Variants in ACVR2A observed in about 807,000 individuals in gnomAD.
The protein encoded by ACVR2A is activin A receptor type 2A, also known as activin receptor type-2A.
A neutral mutation model predicts 61.4 loss-of-function variants in ACVR2A; 7 were observed. That is an observed-to-expected ratio of 0.11 (90% confidence interval 0.06 to 0.21). The LOEUF is 0.21. Among genes scored for constraint, ACVR2A ranks in the 10% least tolerant of loss-of-function variants. ACVR2A has a pLI of 1.00. For synonymous variants in ACVR2A, 193 were observed against 208.3 expected (o/e 0.93, Z 0.63); for missense variants, 322 against 621.7 (o/e 0.52, Z 5.13).
intron 1 of ACVR2A, 146 bp downstream of exon 1, chr2:147,845,353 C>A (rs1685282610): frequency 3.8e-6 from 2 of 525,810 alleles, no homozygotes; most frequent in Admixed American, 4.0e-5. Context: ...CCACCGCCCC[C>A]CCCCCCCGCC....
Position 147,929,915 on chromosome 2 carries a change from C to T in ACVR2A, c.*2641C>T, listed in dbSNP as rs184000387. On this transcript the variant is annotated 3_prime_UTR_variant, in exon 11 of 11. Transcript: ENST00000241416. ...ACTCTTTACCTTGCCCAGATCTCCG[C>T]GTAAGGAATGCTTTATGATCAACTT... is the stretch of plus-strand genomic sequence containing the variant. 9 of 152,522 alleles carry T rather than the reference C, an allele frequency of 5.9e-5. No homozygotes were observed. The highest frequency in any genetic ancestry group is 1.2e-4 in the African/African-American group (5 of 41,494). 9.4% of individuals were successfully genotyped at this position (152,522 alleles called of 1,614,324 possible).
At chr2:147,863,408 A>AC (rs529381261) in intron 1 of ACVR2A, among the ~76,000 whole-genome samples, 3 of 152,168 alleles carry the variant, frequency 2.0e-5, no homozygotes, top group Non-Finnish European at 4.4e-5. Context: ...GGGTATTGAC[A>AC]CCCTGTGAGG....
chr2:147,859,345 A>G, intron 1 of ACVR2A, among the ~76,000 whole-genome samples: 1 of 152,096 alleles, frequency 6.6e-6, no homozygotes, highest in South Asian at 2.1e-4. Flanking sequence ...TGGTAACAAA[A>G]CTAAAAAGAG....
intron 8 of ACVR2A, among the ~76,000 whole-genome samples, chr2:147,920,587 C>T (rs1687355985): frequency 6.6e-6 from 1 of 152,066 alleles, no homozygotes; most frequent in African/African-American, 2.4e-5. Context: ...AAAAATTGAT[C>T]AAAGAATAAT....
intron 1 of ACVR2A, 50 bp downstream of exon 1, chr2:147,845,257 GC>G: frequency 1.3e-6 from 2 of 1,578,884 alleles, no homozygotes; most frequent in African/African-American, 2.7e-5. Flanking sequence ...GGCCGCGGCG[GC>G]CGCTGCTGGG....
intron 1 of ACVR2A, among the ~76,000 whole-genome samples, chr2:147,852,891 G>T (rs1685482483): frequency 6.6e-6 from 1 of 152,098 alleles, no homozygotes; most frequent in Non-Finnish European, 1.5e-5. Context: ...CTGAGGAAGA[G>T]ATTTGTGTGA....
chr2:147,878,785 T>C (rs1183837979), intron 1 of ACVR2A, among the ~76,000 whole-genome samples: 1 of 152,100 alleles, frequency 6.6e-6, no homozygotes, highest in Non-Finnish European at 1.5e-5. Flanking sequence ...GGCAGCCACC[T>C]GCAGTCCCAG....
chr2:147,915,185 C>A lies in ACVR2A; in HGVS notation c.529-6C>A, dbSNP rs1558812750. ...TATTTATAGTATTATTATTATTTAT[C>A]TGTAGGACCCAGGACCACCCCCACC... On this transcript the variant is annotated splice_region_variant and splice_polypyrimidine_tract_variant and intron_variant, in intron 4 of 10. Transcript: ENST00000241416. 1 of 1,610,296 alleles carries A rather than the reference C, an allele frequency of 6.2e-7. No homozygotes were observed. Among genetic ancestry groups the A allele is most frequent in the Admixed American group, 1.7e-5 (1 of 59,798 alleles).
At chr2:147,920,374 A>G in intron 8 of ACVR2A, 30 bp downstream of exon 8, 1 of 1,513,618 alleles carries the variant, frequency 6.6e-7, no homozygotes, top group East Asian at 2.3e-5. Flanking sequence ...AATGTAAGAA[A>G]AAATAAACTT....
intron 1 of ACVR2A, among the ~76,000 whole-genome samples, chr2:147,864,839 C>T (rs1052880050): frequency 9.2e-5 from 14 of 152,092 alleles, no homozygotes; most frequent in Non-Finnish European, 1.8e-4. Flanking sequence ...TCTCATTGTG[C>T]CAGGTACTAT....
intron 4 of ACVR2A, among the ~76,000 whole-genome samples, chr2:147,909,858 T>G (rs1194157748): frequency 6.6e-6 from 1 of 152,096 alleles, no homozygotes. Flanking sequence ...CCTAGGCTGG[T>G]CTCGAACTCC....
chr2:147,897,899 G>A (rs1030021111), intron 2 of ACVR2A, among the ~76,000 whole-genome samples: 16 of 152,130 alleles, frequency 1.1e-4, no homozygotes, highest in African/African-American at 3.6e-4. Flanking sequence ...GTGCTGTTAC[G>A]AAAGGTACAC....
intron 1 of ACVR2A, among the ~76,000 whole-genome samples, chr2:147,893,240 A>AT (rs147158604): frequency 0.011 from 1,694 of 152,230 alleles, 36 homozygotes; most frequent in Admixed American, 0.051. Flanking sequence ...TCACTAGTTC[A>AT]TTCCTTTTTT....
intron 7 of ACVR2A, among the ~76,000 whole-genome samples, chr2:147,919,790 T>G (rs1407051175): frequency 1.3e-5 from 2 of 152,150 alleles, no homozygotes; most frequent in Non-Finnish European, 2.9e-5. Flanking sequence ...TAATAAGGGA[T>G]TATTCTAAAA....
chr2:147,888,664 GGCT>G (rs145036399), intron 1 of ACVR2A, among the ~76,000 whole-genome samples: 1 of 150,134 alleles, frequency 6.7e-6, no homozygotes, highest in Non-Finnish European at 1.5e-5. Flanking sequence ...TTAGTTCGGG[GGCT>G]GCTGCTGCTG....
intron 8 of ACVR2A, among the ~76,000 whole-genome samples, chr2:147,921,404 C>G (rs1385735645): frequency 6.6e-6 from 1 of 152,156 alleles, no homozygotes. Context: ...CTAAATGGTT[C>G]AGGCCTTCGA....
Position 147,899,835 on chromosome 2 carries a change from T to C in ACVR2A, c.465T>C (p.Ile155=), listed in dbSNP as rs765819048. The change falls in exon 4 of 11, where the codon ATT becomes ATC. Residue 155 remains isoleucine, a synonymous_variant. Transcript: ENST00000241416. The part of the protein sequence containing the change: ...VPLMLIAGIV[I]CAFWVYRHHK... The stretch of plus-strand genomic sequence containing the variant: ...TTATGTTAATTGCGGGGATTGTCAT[T>C]TGTGCATTTTGGGTGTACAGGCATC... 7 of 1,613,834 alleles carry C rather than the reference T, an allele frequency of 4.3e-6. No homozygotes were observed. Among genetic ancestry groups the C allele is most frequent in the Non-Finnish European group, 5.1e-6 (6 of 1,179,766 alleles).
chr2:147,857,478 A>G (rs1685610483), intron 1 of ACVR2A, among the ~76,000 whole-genome samples: 1 of 151,868 alleles, frequency 6.6e-6, no homozygotes, highest in African/African-American at 2.4e-5. Flanking sequence ...ATAGAAATAA[A>G]AGCTCATTTT....
Position 147,908,166 on chromosome 2 carries a change from A to G in ACVR2A, c.529-7025A>G, listed in dbSNP as rs919917873. On this transcript the variant is annotated intron_variant, in intron 4 of 10. Coordinates refer to ENST00000241416, the MANE Select transcript of ACVR2A (RefSeq NM_001616.5). ...TGGCCTTGTAGATAACCATTTTACC[A>G]TCTCACAATTTATTCATGTGTAACA... Among the ~76,000 whole-genome samples, 4 of 152,136 alleles carry G rather than the reference A, an allele frequency of 2.6e-5. No homozygotes were observed. In the East Asian group the frequency reaches 7.7e-4, roughly 29 times the overall value.
Sources: gnomAD v4.1 joint callset for allele counts (sites outside exome capture counted in the v4.1 genomes callset) on GRCh38, gnomAD v4.1.1 for gene constraint, MANE v1.5 for transcripts, NCBI Gene and HGNC (gene_info 2026-07-23, HGNC 2026-07-21) for gene names.